Variants in DAP observed in about 807,000 individuals in gnomAD.
The protein encoded by DAP is death-associated protein 1.
In DAP, 8 loss-of-function variants were observed where a neutral mutation model predicts 13.8. The ratio of observed to expected loss-of-function variants is 0.58; its 90% CI spans 0.34 to 1.05. The LOEUF is 1.05. DAP is among the 50% of genes least tolerant of loss of function. DAP has a pLI of 0.03. For missense variants in DAP, 106 were observed against 133.2 expected (o/e 0.80, Z 1.01); for synonymous variants, 47 against 47.5 (o/e 0.99, Z 0.04).
At chr5:10,684,801 T>A (rs1162484370) in intron 2 of DAP, among the ~76,000 whole-genome samples, 2 of 152,076 alleles carry the variant, frequency 1.3e-5, no homozygotes, top group African/African-American at 2.4e-5. Context: ...TCCAAATGCC[T>A]CCACCAAGAG....
intron 2 of DAP, among the ~76,000 whole-genome samples, chr5:10,691,931 G>T (rs1738318755): frequency 6.6e-6 from 1 of 152,126 alleles, no homozygotes. Flanking sequence ...CTTAACAAAA[G>T]TTTGCTATTA....
In DAP at chr5:10,753,798, C is replaced by T. The variant is rs551262089; in HGVS notation, c.56-5527G>A. Among the ~76,000 whole-genome samples, 16 of 152,338 alleles carry T rather than the reference C, an allele frequency of 1.1e-4. No homozygotes were observed. In the South Asian group the frequency reaches 3.3e-3, roughly 32 times the overall value. On this transcript the variant is annotated intron_variant, in intron 1 of 3. Coordinates refer to ENST00000230895, the MANE Select transcript of DAP (RefSeq NM_004394.3). The stretch of plus-strand genomic sequence containing the variant: ...ATCCACTGCAGGTACTGGAGTATGA[C>T]TCACAAGTATATGCTACCTTTGTTC...
chr5:10,756,906 T>A (rs1168263762), intron 1 of DAP, among the ~76,000 whole-genome samples: 2 of 41,862 alleles, frequency 4.8e-5, no homozygotes, highest in Non-Finnish European at 1.2e-4. Context: ...CAATAACTCA[T>A]CAAACAAGCA....
intron 1 of DAP, among the ~76,000 whole-genome samples, chr5:10,759,185 AAAAC>A (rs1008521633): frequency 6.6e-6 from 1 of 152,240 alleles, no homozygotes; most frequent in Non-Finnish European, 1.5e-5. Context: ...TCTGTTTCAA[AAAAC>A]AAAACAAAAA....
At chr5:10,753,842 G>A (rs1381599040) in intron 1 of DAP, among the ~76,000 whole-genome samples, 2 of 152,204 alleles carry the variant, frequency 1.3e-5, no homozygotes, top group African/African-American at 2.4e-5. Flanking sequence ...GAAGAGCTAT[G>A]GAAATGTTAT....
intron 2 of DAP, among the ~76,000 whole-genome samples, chr5:10,747,216 C>T (rs1334183854): frequency 6.6e-6 from 1 of 152,216 alleles, no homozygotes; most frequent in African/African-American, 2.4e-5. Flanking sequence ...GAGCTTAGTG[C>T]TTTCTTCTAC....
At chr5:10,713,103 C>T (rs1738893422) in intron 2 of DAP, among the ~76,000 whole-genome samples, 1 of 152,204 alleles carries the variant, frequency 6.6e-6, no homozygotes, top group Non-Finnish European at 1.5e-5. Context: ...TGACATCTGA[C>T]TGATATTTAA....
intron 3 of DAP, among the ~76,000 whole-genome samples, chr5:10,682,166 G>C (rs1394748632): frequency 7.0e-6 from 1 of 143,504 alleles, no homozygotes; most frequent in African/African-American, 2.6e-5. Context: ...TGGTGTTTGT[G>C]GGTGAGGAAG....
At chr5:10,748,059 A>G (rs1196349903) in intron 2 of DAP, 116 bp downstream of exon 2, 2 of 737,660 alleles carry the variant, frequency 2.7e-6, no homozygotes, top group African/African-American at 3.5e-5. Context: ...AATACACAGA[A>G]CAGGGCCCCA....
chr5:10,735,440 T>C (rs1335818456), intron 2 of DAP, among the ~76,000 whole-genome samples: 1 of 152,216 alleles, frequency 6.6e-6, no homozygotes, highest in Non-Finnish European at 1.5e-5. Context: ...GATGAGCTAA[T>C]GATAGTACCA....
rs186006617 is a variant in DAP, at chr5:10,679,749, G to A, written c.*1307C>T. The A allele has an allele frequency of 8.5e-5, 13 of 152,526 alleles. No homozygotes were observed. The East Asian group carries it at 2.4e-3, about 29-fold the overall frequency. The allele number at this position is 152,526 out of a possible 1,614,324, so 9.4% of individuals were successfully genotyped here. A position where few individuals can be genotyped will look rare whatever the true frequency, so the allele number is the denominator to read the frequency against. On this transcript the variant is annotated 3_prime_UTR_variant, in exon 4 of 4. Coordinates refer to ENST00000230895, the MANE Select transcript of DAP (RefSeq NM_004394.3). ...GCTCCCTCAGGGAGGAGGGGCGCTG[G>A]GTCTGACCAGGTCTGCCTCTGCCCT... is the stretch of plus-strand genomic sequence containing the variant.
intron 2 of DAP, among the ~76,000 whole-genome samples, chr5:10,710,438 G>A (rs190957696): frequency 1.3e-5 from 2 of 152,326 alleles, no homozygotes; most frequent in East Asian, 3.9e-4. Flanking sequence ...CCTGGGAAAC[G>A]TGTCCACAGC....
intron 2 of DAP, among the ~76,000 whole-genome samples, chr5:10,685,626 C>T (rs750364335): frequency 5.3e-5 from 8 of 152,198 alleles, no homozygotes; most frequent in Non-Finnish European, 8.8e-5. Flanking sequence ...ACTCTGGTAG[C>T]GAATCATATA....
intron 2 of DAP, among the ~76,000 whole-genome samples, chr5:10,704,744 A>G (rs920981737): frequency 6.6e-6 from 1 of 152,022 alleles, no homozygotes; most frequent in African/African-American, 2.4e-5. Flanking sequence ...GTGGCCTTTC[A>G]CTGATTCTAG....
chr5:10,682,011 C>T (rs1738023830), intron 3 of DAP, among the ~76,000 whole-genome samples: 2 of 150,150 alleles, frequency 1.3e-5, no homozygotes, highest in African/African-American at 4.9e-5. Context: ...TACAGGCCAG[C>T]AGCCACCAGC....
At chr5:10,729,000 A>G (rs1246795026) in intron 2 of DAP, among the ~76,000 whole-genome samples, 1 of 152,206 alleles carries the variant, frequency 6.6e-6, no homozygotes, top group Non-Finnish European at 1.5e-5. Context: ...AAAGAGTATC[A>G]ACTTTCTCAT....
In DAP at chr5:10,724,913, C is replaced by A. The variant is rs193115826; in HGVS notation, c.152+23262G>T. Among the ~76,000 whole-genome samples the A allele has an allele frequency of 4.5e-3, 673 of 149,928 alleles. 8 individuals are homozygous for A. Among genetic ancestry groups the A allele is most frequent in the African/African-American group, 0.016 (633 of 39,914 alleles). On this transcript the variant is annotated intron_variant, in intron 2 of 3. Transcript: ENST00000230895. ...CAGGGGGTGTAGCTCTCTACTCCCC[C>A]CAGGAGGAGAAGGTGGGGGTTCTGC...
intron 2 of DAP, among the ~76,000 whole-genome samples, chr5:10,719,279 G>T (rs1001843725): frequency 6.6e-6 from 1 of 152,204 alleles, no homozygotes; most frequent in Non-Finnish European, 1.5e-5. Context: ...TGTCAGCTTT[G>T]AGTGGGGTCC....
At chr5:10,703,763 C>A (rs1437599342) in intron 2 of DAP, among the ~76,000 whole-genome samples, 1 of 152,198 alleles carries the variant, frequency 6.6e-6, no homozygotes, top group Non-Finnish European at 1.5e-5. Flanking sequence ...CTTTACACAG[C>A]AGCCTGGGTG....
Sources: gnomAD v4.1 joint callset for allele counts (sites outside exome capture counted in the v4.1 genomes callset) on GRCh38, gnomAD v4.1.1 for gene constraint, MANE v1.5 for transcripts, NCBI Gene and HGNC (gene_info 2026-07-23, HGNC 2026-07-21) for gene names.